Variants in AFF3 observed in about 807,000 individuals in gnomAD.
AFF3 encodes the protein AF4/FMR2 family member 3.
A neutral mutation model predicts 129.7 loss-of-function variants in AFF3; 32 were observed. The observed-to-expected ratio is 0.25, with a 90% CI of 0.19 to 0.33. The LOEUF (loss-of-function observed/expected upper bound fraction) is 0.33. Ranked by LOEUF, AFF3 falls within the 10% of genes least tolerant of loss-of-function variation. The probability of loss-of-function intolerance (pLI) is 1.00; values close to 1 mark genes in which losing one functional copy is unlikely to be tolerated. For synonymous variants in AFF3, 644 were observed against 635.4 expected, an observed-to-expected ratio of 1.01 and a Z score of -0.20; for missense variants, 1,373 against 1,592.0, an observed-to-expected ratio of 0.86 and a Z score of 2.34.
chr2:99,977,632 T>C (rs1679017943), intron 7 of AFF3, among the ~76,000 whole-genome samples: 1 of 152,216 alleles, frequency 6.6e-6, no homozygotes, highest in Non-Finnish European at 1.5e-5. Context: ...TTCTTTTTGC[T>C]GGACAACCTT....
At chr2:99,617,277 T>A (rs1055659332) in intron 13 of AFF3, among the ~76,000 whole-genome samples, 1 of 152,198 alleles carries the variant, frequency 6.6e-6, no homozygotes, top group African/African-American at 2.4e-5. Flanking sequence ...CCACCAGGAG[T>A]GCATGGGGTT....
intron 4 of AFF3, among the ~76,000 whole-genome samples, chr2:100,103,634 C>G (rs1331307526): frequency 2.0e-5 from 3 of 151,954 alleles, no homozygotes; most frequent in African/African-American, 7.3e-5. Context: ...CCTACAGCAG[C>G]TCCCCAGTGT....
intron 4 of AFF3, among the ~76,000 whole-genome samples, chr2:100,087,070 GA>G (rs1689502118): frequency 6.6e-6 from 1 of 152,124 alleles, no homozygotes; most frequent in African/African-American, 2.4e-5. Context: ...GTCTGGCCAA[GA>G]AAGTACAGGT....
intron 13 of AFF3, among the ~76,000 whole-genome samples, chr2:99,632,143 G>A (rs894257849): frequency 2.4e-4 from 36 of 150,514 alleles, no homozygotes; most frequent in African/African-American, 8.6e-4. Flanking sequence ...AGCCTCCCGA[G>A]TAGCTGGGAT....
At chr2:99,737,449 T>TG (rs1162184561) in intron 10 of AFF3, among the ~76,000 whole-genome samples, 1 of 151,782 alleles carries the variant, frequency 6.6e-6, no homozygotes, top group African/African-American at 2.4e-5. Context: ...TTAAATTTTT[T>TG]TTTTGCAAGA....
chr2:99,924,719 T>C (rs1021618566), intron 7 of AFF3, among the ~76,000 whole-genome samples: 2 of 152,172 alleles, frequency 1.3e-5, no homozygotes, highest in Non-Finnish European at 2.9e-5. Flanking sequence ...CTTACTGCAA[T>C]GAATTCAACA....
At chr2:99,787,671 G>C (rs575092417) in intron 8 of AFF3, among the ~76,000 whole-genome samples, 2 of 152,162 alleles carry the variant, frequency 1.3e-5, no homozygotes, top group African/African-American at 4.8e-5. Context: ...TGGAGACTTA[G>C]GCTAGGCTGG....
At chr2:100,116,057 C>T (rs1341311304) in intron 2 of AFF3, among the ~76,000 whole-genome samples, 2 of 152,056 alleles carry the variant, frequency 1.3e-5, no homozygotes, top group Non-Finnish European at 2.9e-5. Context: ...TTACACCATC[C>T]TGTTGAACTG....
At chr2:99,950,992 T>C (rs1362839733) in intron 7 of AFF3, among the ~76,000 whole-genome samples, 2 of 152,220 alleles carry the variant, frequency 1.3e-5, no homozygotes, top group African/African-American at 2.4e-5. Context: ...GGCTGCATAA[T>C]ATGAATCCAC....
Position 99,779,787 on chromosome 2 carries a change from C to T in AFF3, c.922-27486G>A, listed in dbSNP as rs531008679. On this transcript the variant is annotated intron_variant, in intron 8 of 24. Transcript: ENST00000672756. ...ATTTGATTTTCTGTTTCTGAGCACACAGTTATTATTATTAGTCTTCATTTT... is the reference window on the plus strand; with the variant it reads ...ATTTGATTTTCTGTTTCTGAGCACATAGTTATTATTATTAGTCTTCATTTT... Among the ~76,000 whole-genome samples the T allele has an allele frequency of 4.3e-4, 65 of 152,230 alleles. 2 individuals are homozygous for T. The highest frequency in any genetic ancestry group is 4.2e-4 in the South Asian group (2 of 4,818).
At chr2:99,756,945 CAGCCCTGACAT>C (rs1682150708) in intron 8 of AFF3, among the ~76,000 whole-genome samples, 1 of 152,204 alleles carries the variant, frequency 6.6e-6, no homozygotes, top group Non-Finnish European at 1.5e-5. Context: ...TCAATAGAAG[CAGCCCTGACAT>C]AACTCCTTCT....
At chr2:99,836,653 TA>T (rs1246603651) in intron 8 of AFF3, among the ~76,000 whole-genome samples, 2 of 150,808 alleles carry the variant, frequency 1.3e-5, no homozygotes, top group Admixed American at 6.6e-5. Flanking sequence ...CACTAGCAAT[TA>T]AAAAAAAGTG....
chr2:99,560,234 G>T, intron 21 of AFF3, 131 bp downstream of exon 21: 1 of 928,918 alleles, frequency 1.1e-6, no homozygotes, highest in Non-Finnish European at 1.7e-6. Flanking sequence ...GACTTTCCCT[G>T]GTCATTAGAA....
intron 7 of AFF3, among the ~76,000 whole-genome samples, chr2:99,867,932 C>T (rs772530356): frequency 2.0e-5 from 3 of 151,218 alleles, no homozygotes; most frequent in African/African-American, 7.3e-5. Context: ...CTGGGCGAGG[C>T]GGGCACGTGG....
Position 100,051,899 on chromosome 2 carries a change from A to G in AFF3, c.54-42967T>C, listed in dbSNP as rs557931565. 2.0e-5 allele frequency among the ~76,000 whole-genome samples: 3 copies of G among 152,362 alleles called. No individual in the cohort carries two copies. The South Asian group carries it at 6.2e-4, about 32-fold the overall frequency. On this transcript the variant is annotated intron_variant, in intron 4 of 24. Transcript: ENST00000672756. ...TGATCAATTAAAGCCAAGATCAGTTACATTATTTGGTTTACCTAAGTAATG... is the reference window on the plus strand; with the variant it reads ...TGATCAATTAAAGCCAAGATCAGTTGCATTATTTGGTTTACCTAAGTAATG...
intron 7 of AFF3, among the ~76,000 whole-genome samples, chr2:99,847,121 T>C (rs6706686): frequency 0.077 from 11,693 of 152,158 alleles, 1,510 homozygotes; most frequent in African/African-American, 0.26. Context: ...CTCCAAGTTT[T>C]ATATTTTTAA....
intron 8 of AFF3, among the ~76,000 whole-genome samples, chr2:99,757,857 G>A (rs1200317964): frequency 6.6e-6 from 1 of 152,186 alleles, no homozygotes; most frequent in East Asian, 1.9e-4. Context: ...GCCAAACCAA[G>A]CCACCGTTGA....
intron 20 of AFF3, 137 bp downstream of exon 20, chr2:99,565,350 T>C: frequency 7.7e-7 from 1 of 1,299,650 alleles, no homozygotes; most frequent in Non-Finnish European, 1.1e-6. Context: ...TGCACGACCT[T>C]ACCCTCTTAT....
chr2:99,681,823 T>C (rs1674551011), intron 11 of AFF3, among the ~76,000 whole-genome samples: 1 of 152,208 alleles, frequency 6.6e-6, no homozygotes, highest in Non-Finnish European at 1.5e-5. Context: ...ATTTTTTTTT[T>C]TACAGTAGCC....
Sources: allele counts gnomAD v4.1 joint callset (sites outside exome capture counted in the v4.1 genomes callset), GRCh38; gene constraint gnomAD v4.1.1; transcripts MANE v1.5; gene names NCBI Gene and HGNC (gene_info 2026-07-23, HGNC 2026-07-21).